ASIP: variants seen among roughly 807,000 people sequenced by gnomAD.
ASIP encodes agouti-signaling protein.
Under a neutral mutation model 10.3 loss-of-function variants are expected in ASIP, and 11 were observed. The ratio of observed to expected loss-of-function variants is 1.07; its 90% CI spans 0.68 to 1.78. The LOEUF is 1.78. Among genes scored for constraint, ASIP ranks in the 40% most tolerant of loss-of-function variants. The pLI is 0.00. For missense variants in ASIP, 180 were observed against 169.2 expected (o/e 1.06, Z -0.35); for synonymous variants, 70 against 70.8 (o/e 0.99, Z 0.06).
At chr20:34,245,088 C>A (rs542873559) in intron 1 of ASIP, among the ~76,000 whole-genome samples, 52 of 152,126 alleles carry the variant, frequency 3.4e-4, no homozygotes, top group African/African-American at 1.2e-3. Context: ...GTAATCCCAG[C>A]ACTTTGGGAG....
intron 1 of ASIP, among the ~76,000 whole-genome samples, chr20:34,252,480 G>C (rs1568764879): frequency 6.6e-6 from 1 of 152,196 alleles, no homozygotes; most frequent in Non-Finnish European, 1.5e-5. Flanking sequence ...GTAGCAAAGA[G>C]TAACAGAGCA....
At chr20:34,234,426 G>A (rs1381367834) in intron 1 of ASIP, among the ~76,000 whole-genome samples, 2 of 152,208 alleles carry the variant, frequency 1.3e-5, no homozygotes, top group Non-Finnish European at 2.9e-5. Context: ...TTCCAGAGTT[G>A]TGGTTGAGGC....
chr20:34,187,496 G>A, the ASIP span, among the ~76,000 whole-genome samples: 1 of 152,246 alleles, frequency 6.6e-6, no homozygotes, highest in Non-Finnish European at 1.5e-5. Flanking sequence ...ATCACTTTAA[G>A]CTGGCCTGTC....
chr20:34,264,679 T>C (rs568468760), intron 3 of ASIP, among the ~76,000 whole-genome samples: 9 of 152,156 alleles, frequency 5.9e-5, no homozygotes, highest in African/African-American at 2.2e-4. Flanking sequence ...ACGGTATCAA[T>C]AAATACAGTA....
rs189221314 is a variant in ASIP, at chr20:34,261,576, A to C, written c.160+1042A>C. On this transcript the variant is annotated intron_variant, in intron 2 of 3. Coordinates refer to ENST00000374954, the MANE Select transcript of ASIP (RefSeq NM_001672.3). ...TTGAGCCCAGGAGTTTGAGCCTACAATGAGCCATGATTGTGCCACTGCACT... is the reference window on the plus strand; with the variant it reads ...TTGAGCCCAGGAGTTTGAGCCTACACTGAGCCATGATTGTGCCACTGCACT... 4.4e-3 allele frequency among the ~76,000 whole-genome samples: 665 copies of C among 150,306 alleles called. 5 individuals are homozygous for C. The highest frequency in any genetic ancestry group is 0.015 in the African/African-American group (615 of 40,900).
chr20:34,215,862 G>A, intron 1 of ASIP: 1 of 1,220,708 alleles, frequency 8.2e-7, no homozygotes. Context: ...TCAGCATTTG[G>A]ATTTAGCCCT....
chr20:34,196,320 C>A (rs1268135182), intron 1 of ASIP, among the ~76,000 whole-genome samples: 1 of 151,646 alleles, frequency 6.6e-6, no homozygotes, highest in Non-Finnish European at 1.5e-5. Context: ...GCTACAGGCG[C>A]CCGCCACCAC....
chr20:34,187,647 C>A, the ASIP span, among the ~76,000 whole-genome samples: 1 of 152,174 alleles, frequency 6.6e-6, no homozygotes, highest in Non-Finnish European at 1.5e-5. Flanking sequence ...CTAATGTTAT[C>A]TGTACAAAAT....
At chr20:34,268,348 A>G (rs1313636495) in intron 3 of ASIP, among the ~76,000 whole-genome samples, 1 of 152,174 alleles carries the variant, frequency 6.6e-6, no homozygotes, top group Admixed American at 6.5e-5. Context: ...AGCGAAGTTA[A>G]CAGGGGTCGG....
At chr20:34,237,840 G>T (rs843903), upstream of ASIP, among the ~76,000 whole-genome samples, 41,009 of 151,950 alleles carry the variant, frequency 0.27, 9,694 homozygotes, top group African/African-American at 0.64. Flanking sequence ...CCTAGTTTGT[G>T]GAGTGTTTTT....
At chr20:34,242,094 G>A (rs2035292670) in intron 1 of ASIP, among the ~76,000 whole-genome samples, 1 of 152,140 alleles carries the variant, frequency 6.6e-6, no homozygotes, top group South Asian at 2.1e-4. Context: ...CTCTGCTTCA[G>A]TGATATGGAA....
intron 1 of ASIP, among the ~76,000 whole-genome samples, chr20:34,222,006 AG>A (rs1263730804): frequency 6.6e-6 from 1 of 152,152 alleles, no homozygotes; most frequent in Non-Finnish European, 1.5e-5. Context: ...GCCACTTGGG[AG>A]GCTGAAGTGG....
intron 1 of ASIP, among the ~76,000 whole-genome samples, chr20:34,258,722 A>T (rs78532698): frequency 2.1e-5 from 1 of 46,804 alleles, no homozygotes; most frequent in South Asian, 8.2e-4. Context: ...TATATATTAT[A>T]AAATATATAT....
chr20:34,266,845 C>T (rs911016345), intron 3 of ASIP, among the ~76,000 whole-genome samples: 1 of 152,138 alleles, frequency 6.6e-6, no homozygotes, highest in Admixed American at 6.5e-5. Flanking sequence ...AAAATCATAC[C>T]ACCATTAACA....
Position 34,262,858 on chromosome 20 carries a change from G to A in ASIP, c.187G>A (p.Gly63Ser), listed in dbSNP as rs773399233. The A allele has an allele frequency of 8.7e-6, 14 of 1,613,926 alleles. No homozygotes were observed. The highest frequency in any genetic ancestry group is 5.5e-5 in the South Asian group (5 of 91,070). The stretch of plus-strand genomic sequence containing the variant: ...GCTGAACAAGAAATCCAAACAGATC[G>A]GCAGAAAAGCAGCAGAAAAGAAAAG... ...VALNKKSKQI[G>S]RKAAEKKRSS... The change falls in exon 3 of 4, where the codon GGC (glycine) becomes AGC (serine). Residue 63 changes from glycine to serine, a missense_variant. Coordinates refer to ENST00000374954, the MANE Select transcript of ASIP (RefSeq NM_001672.3).
intron 1 of ASIP, among the ~76,000 whole-genome samples, chr20:34,218,267 A>G (rs756359197): frequency 6.6e-6 from 1 of 152,164 alleles, no homozygotes; most frequent in South Asian, 2.1e-4. Context: ...CAGCATTATG[A>G]GGGTAAAAAA....
Position 34,268,958 on chromosome 20 carries a change from C to T in ASIP, c.223-33C>T, listed in dbSNP as rs373157539. On this transcript the variant is annotated intron_variant, in intron 3 of 3. Coordinates refer to ENST00000374954, the MANE Select transcript of ASIP (RefSeq NM_001672.3). ...GTGAGGACCGGAGGGGTGGGCGTGG[C>T]CGGCTCATAAAGCCCCGGCGTTTCC... is the stretch of plus-strand genomic sequence containing the variant. The T allele has an allele frequency of 6.4e-6, 10 of 1,572,406 alleles. No homozygotes were observed. The South Asian group carries it at 1.0e-4, about 16-fold the overall frequency.
chr20:34,219,714 A>G (rs1036977020), intron 1 of ASIP, among the ~76,000 whole-genome samples: 1 of 152,216 alleles, frequency 6.6e-6, no homozygotes, highest in African/African-American at 2.4e-5. Flanking sequence ...GGTGAGAGGA[A>G]CAGAGCACAG....
chr20:34,268,847 G>T (rs550794347), intron 3 of ASIP, 144 bp from the exon 4 acceptor site: 19 of 980,818 alleles, frequency 1.9e-5, no homozygotes, highest in South Asian at 7.9e-5. Context: ...GAATCTGACT[G>T]GGGGAGCGGG....
Sources: gnomAD v4.1 joint callset for allele counts (sites outside exome capture counted in the v4.1 genomes callset) on GRCh38, gnomAD v4.1.1 for gene constraint, MANE v1.5 for transcripts, NCBI Gene and HGNC (gene_info 2026-07-23, HGNC 2026-07-21) for gene names.